Variants in CMTM4 observed in about 807,000 individuals in gnomAD.
The protein encoded by CMTM4 is CKLF like MARVEL transmembrane domain containing 4, also known as CKLF-like MARVEL transmembrane domain-containing protein 4.
In CMTM4, 8 loss-of-function variants were observed where a neutral mutation model predicts 19.0. That is an observed-to-expected ratio of 0.42 (90% CI 0.25 to 0.76). The LOEUF (loss-of-function observed/expected upper bound fraction) is 0.76, where lower values mean the gene tolerates loss of function less well. CMTM4 is among the 30% of genes least tolerant of loss of function. The pLI is 0.27. For missense variants in CMTM4, 228 were observed against 290.2 expected, an observed-to-expected ratio of 0.79 and a Z score of 1.56; for synonymous variants, 106 against 121.1, an observed-to-expected ratio of 0.88 and a Z score of 0.82.
rs1007006260 is a variant in CMTM4 at position 66,645,634 on chromosome 16, T to G, written c.187-9053A>C. Reference sequence around the variant, plus strand: ...TTTAGACCCAGAAATTCTAGGACTATGTACCCTATGAATAAATGCACATGT... The same window carrying G: ...TTTAGACCCAGAAATTCTAGGACTAGGTACCCTATGAATAAATGCACATGT... On this transcript the variant is annotated intron_variant, in intron 1 of 3. Coordinates refer to ENST00000394106, the MANE Select transcript of CMTM4 (RefSeq NM_181521.3). Among the ~76,000 whole-genome samples the G allele has an allele frequency of 3.3e-5, 5 of 151,774 alleles. No individual in the cohort carries two copies. The South Asian group carries it at 6.2e-4, about 19-fold the overall frequency.
intron 1 of CMTM4, among the ~76,000 whole-genome samples, chr16:66,647,196 T>A (rs1596928982): frequency 6.6e-6 from 1 of 150,452 alleles, no homozygotes; most frequent in African/African-American, 2.4e-5. Flanking sequence ...TGGTGGCAGG[T>A]GCCTGTAGTC....
chr16:66,661,284 C>T (rs1351658510), intron 1 of CMTM4, among the ~76,000 whole-genome samples: 2 of 152,078 alleles, frequency 1.3e-5, no homozygotes, highest in East Asian at 1.9e-4. Context: ...GACTGTAACC[C>T]GTATAAATTT....
downstream of CMTM4, chr16:66,612,680 C>T: frequency 6.2e-7 from 1 of 1,603,616 alleles, no homozygotes; most frequent in Non-Finnish European, 8.5e-7. The surrounding 1 kb of genome is among the most constrained non-coding windows in gnomAD (Gnocchi z 6.0). Context: ...CACAGGCCTC[C>T]ACCCCTGCGC....
Position 66,617,272 on chromosome 16 carries a change from C to T in CMTM4, c.*4786G>A, listed in dbSNP as rs755224073. ...ACAGTTCAAGGACCCATCATCTGAA[C>T]TTTTCTAGGCAAGTTGCCAGTGATT... On this transcript the variant is annotated 3_prime_UTR_variant, in exon 4 of 4. Transcript: ENST00000394106. The T allele has an allele frequency of 6.2e-7, 1 of 1,613,922 alleles. No individual in the cohort carries two copies. Among genetic ancestry groups the T allele is most frequent in the Non-Finnish European group, 8.5e-7 (1 of 1,179,930 alleles).
the CMTM4 span, among the ~76,000 whole-genome samples, chr16:66,602,063 C>A: frequency 1.3e-5 from 2 of 152,168 alleles, no homozygotes; most frequent in African/African-American, 4.8e-5. Context: ...CAAAAGTGAT[C>A]AATGACTGGT....
rs1364706623 is a variant in CMTM4, at chr16:66,620,719, C to T, written c.*1339G>A. On this transcript the variant is annotated 3_prime_UTR_variant, in exon 4 of 4. Transcript: ENST00000394106. ...TAAGTGCTTTTTGGTGAGGGCTAAA[C>T]ACAAAATGTTAGAGCTAAAGTGAGG... 3 of 985,762 alleles carry T rather than the reference C, an allele frequency of 3.0e-6. No homozygotes were observed. Among genetic ancestry groups the T allele is most frequent in the Non-Finnish European group, 3.6e-6 (3 of 829,920 alleles). 61.1% of individuals were successfully genotyped at this position (985,762 alleles called of 1,614,324 possible). A position where few individuals can be genotyped will look rare whatever the true frequency, so the allele number is the denominator to read the frequency against.
chr16:66,686,090 T>C (rs1355270475), intron 1 of CMTM4, among the ~76,000 whole-genome samples: 6 of 151,184 alleles, frequency 4.0e-5, no homozygotes, highest in Non-Finnish European at 2.9e-5. Flanking sequence ...CTGTCTCTAC[T>C]AAAAATACAA....
downstream of CMTM4, chr16:66,609,907 G>A (rs142471076): frequency 1.6e-4 from 255 of 1,614,118 alleles, no homozygotes; most frequent in African/African-American, 2.3e-3. This position sits in a 1 kb window ranked among gnomAD's most constrained non-coding sequence, Gnocchi z 4.4. Flanking sequence ...TGCTACCATC[G>A]TGTTTGCAAC....
At chr16:66,606,663 T>G in the CMTM4 span, among the ~76,000 whole-genome samples, 2 of 152,138 alleles carry the variant, frequency 1.3e-5, no homozygotes, top group African/African-American at 4.8e-5. Context: ...CAGGGACAGA[T>G]GGCCTCCCCA....
the CMTM4 span, among the ~76,000 whole-genome samples, chr16:66,606,863 G>A: frequency 6.6e-6 from 1 of 152,286 alleles, no homozygotes; most frequent in Non-Finnish European, 1.5e-5. Flanking sequence ...TTTGGTGGCG[G>A]GCGCCTGTAA....
Position 66,620,215 on chromosome 16 carries a change from T to A in CMTM4, c.*1843A>T. 1 of 985,448 alleles carries A rather than the reference T, an allele frequency of 1.0e-6. No homozygotes were observed. The highest frequency in any genetic ancestry group is 1.2e-6 in the Non-Finnish European group (1 of 829,928). 61.0% of individuals were successfully genotyped at this position (985,448 alleles called of 1,614,324 possible). ...AAGGCTGAGCCTTTGTGGCCCTATTTTAAAAGGAACTCTCAAAGAGAGATA... is the reference window on the plus strand; with the variant it reads ...AAGGCTGAGCCTTTGTGGCCCTATTATAAAAGGAACTCTCAAAGAGAGATA... On this transcript the variant is annotated 3_prime_UTR_variant, in exon 4 of 4. Transcript: ENST00000394106.
Position 66,618,323 on chromosome 16 carries a change from T to C in CMTM4, c.*3735A>G, listed in dbSNP as rs1459989196. The C allele has an allele frequency of 5.1e-6, 5 of 985,358 alleles. No homozygotes were observed. In the East Asian group the frequency reaches 4.5e-4, roughly 89 times the overall value. 61.0% of individuals were successfully genotyped at this position (985,358 alleles called of 1,614,324 possible). ...TCTGGAGAAGATGACAGTCAGGCAG[T>C]GGCACAAAGACTTCATGACTGTTTT... On this transcript the variant is annotated 3_prime_UTR_variant, in exon 4 of 4. Coordinates refer to ENST00000394106, the MANE Select transcript of CMTM4 (RefSeq NM_181521.3).
chr16:66,617,103 A>G lies in CMTM4; in HGVS notation c.*4955T>C. ...GTTTCAATAGCTCCCTGGGGGTCCA[A>G]GCCAAAGGCTCCCTGGCCTTTGTGT... is the stretch of plus-strand genomic sequence containing the variant. On this transcript the variant is annotated 3_prime_UTR_variant, in exon 4 of 4. Coordinates refer to ENST00000394106, the MANE Select transcript of CMTM4 (RefSeq NM_181521.3). 1.7e-6 allele frequency: 1 copy of G among 573,072 alleles called. No homozygotes were observed. 35.5% of individuals were successfully genotyped at this position (573,072 alleles called of 1,614,324 possible).
In CMTM4 at chr16:66,617,832, C is replaced by G. The variant is rs557956883; in HGVS notation, c.*4226G>C. ...GAGCCAGATGCCAGGAGCTCACCCA[C>G]AGGACGGGAAAGACCTGTCCCCAGC... On this transcript the variant is annotated 3_prime_UTR_variant, in exon 4 of 4. Transcript: ENST00000394106. 1.9e-5 allele frequency: 19 copies of G among 995,886 alleles called. No individual in the cohort carries two copies. Among genetic ancestry groups the G allele is most frequent in the Non-Finnish European group, 2.2e-5 (18 of 836,732 alleles). 61.7% of individuals were successfully genotyped at this position (995,886 alleles called of 1,614,324 possible).
chr16:66,626,164 G>A (rs1279725183), intron 2 of CMTM4, among the ~76,000 whole-genome samples: 1 of 152,246 alleles, frequency 6.6e-6, no homozygotes, highest in Non-Finnish European at 1.5e-5. Flanking sequence ...GCCAGGCACA[G>A]CAGCTCATGC....
chr16:66,684,382 G>A (rs910802110), intron 1 of CMTM4, among the ~76,000 whole-genome samples: 2 of 151,890 alleles, frequency 1.3e-5, no homozygotes, highest in Admixed American at 1.3e-4. Context: ...TTACTATGTT[G>A]GCCAGGCTGG....
At chr16:66,644,722 G>A (rs954318829) in intron 1 of CMTM4, among the ~76,000 whole-genome samples, 3 of 152,188 alleles carry the variant, frequency 2.0e-5, no homozygotes, top group Non-Finnish European at 2.9e-5. Context: ...ACTACAGACA[G>A]TTCCACCATG....
chr16:66,650,127 A>G (rs355965), intron 1 of CMTM4, among the ~76,000 whole-genome samples: 14,387 of 152,224 alleles, frequency 0.095, 950 homozygotes, highest in East Asian at 0.27. Flanking sequence ...AGTCAACACC[A>G]AACTCAGGTG....
intron 1 of CMTM4, 31 bp from the exon 2 acceptor site, chr16:66,636,612 GTA>G: frequency 6.4e-7 from 1 of 1,553,362 alleles, no homozygotes; most frequent in Non-Finnish European, 8.9e-7. Flanking sequence ...ATATATGTAC[GTA>G]TATGTTTAGT....
Sources: gnomAD v4.1 joint callset for allele counts (sites outside exome capture counted in the v4.1 genomes callset) on GRCh38, gnomAD v4.1.1 for gene constraint, Gnocchi (gnomAD v3.1) non-coding constraint, MANE v1.5 for transcripts, NCBI Gene and HGNC (gene_info 2026-07-23, HGNC 2026-07-21) for gene names.